The following OVCH2 variants were observed in gnomAD, a reference collection of about 807,000 sequenced individuals.
OVCH2 encodes ovochymase-2.
A neutral mutation model predicts 73.7 loss-of-function variants in OVCH2; 88 were observed. That is an observed-to-expected ratio of 1.19 (90% CI 1.01 to 1.43). The LOEUF is 1.43. Ranked by LOEUF, OVCH2 falls within the 40% of genes most tolerant of loss-of-function variation. OVCH2 has a pLI of 0.00. For synonymous variants in OVCH2, 265 were observed against 234.5 expected (o/e 1.13, Z -1.19); for missense variants, 706 against 674.5 (o/e 1.05, Z -0.52).
Position 7,706,317 on chromosome 11 carries a change from C to T in OVCH2, c.78G>A (p.Ser26=), listed in dbSNP as rs775827975. 9.5e-6 allele frequency: 15 copies of T among 1,586,184 alleles called. No individual in the cohort carries two copies. The highest frequency in any genetic ancestry group is 3.3e-4 in the Middle Eastern group (2 of 6,046). Residue 26 remains serine, a synonymous_variant, in exon 1 of 16, where the codon TCG becomes TCA. Transcript: ENST00000533663. ...TCATTTGAAACTTACCTTTGGGGAG[C>T]GAAAGAGTTGCAGATTTACCTCGTT... The part of the protein sequence containing the change: ...FFERGKSATL[S]LPKAPSCGQS...
intron 1 of OVCH2, 21 bp downstream of exon 1, chr11:7,706,286 T>C (rs148152271): frequency 2.5e-5 from 39 of 1,564,360 alleles, no homozygotes; most frequent in Non-Finnish European, 2.9e-5. Flanking sequence ...AAGGTAATTA[T>C]AGAGTTCATT....
chr11:7,686,143 A>G (rs1238205562), downstream of OVCH2, among the ~76,000 whole-genome samples: 1 of 152,232 alleles, frequency 6.6e-6, no homozygotes, highest in Non-Finnish European at 1.5e-5. Flanking sequence ...GTAGCACAGC[A>G]CTGTGCCGAA....
intron 3 of OVCH2, among the ~76,000 whole-genome samples, chr11:7,702,583 T>C (rs1856465266): frequency 6.6e-6 from 1 of 152,176 alleles, no homozygotes; most frequent in Admixed American, 6.5e-5. Context: ...TGCAATGTTA[T>C]TTGAAAATAT....
In OVCH2 at chr11:7,701,370, G is replaced by T; in HGVS notation, c.665C>A (p.Thr222Asn). 1.2e-6 allele frequency: 2 copies of T among 1,613,396 alleles called. No homozygotes were observed. Among genetic ancestry groups the T allele is most frequent in the Non-Finnish European group, 1.7e-6 (2 of 1,179,730 alleles). The change falls in exon 6 of 16, where the codon ACC (threonine) becomes AAC (asparagine). Residue 222 changes from threonine to asparagine, a missense_variant. Transcript: ENST00000533663. ...ATCAGGAAAACCTGTGCAAAGAAAG[G>T]TCTTCCCACTGATGGGCCTCTTTAG... ...LTLKRPISGK[T>N]FLCTGFPDGG...
chr11:7,705,360 AG>A (rs1421835972), intron 1 of OVCH2: 5 of 152,206 alleles, frequency 3.3e-5, no homozygotes, highest in Admixed American at 2.6e-4. Flanking sequence ...GAACTACTCA[AG>A]GGAAAAAACT....
chr11:7,703,857 G>A, intron 2 of OVCH2, 68 bp from the exon 3 acceptor site: 1 of 1,244,308 alleles, frequency 8.0e-7, no homozygotes, highest in Non-Finnish European at 1.1e-6. Flanking sequence ...CGGTGATGAA[G>A]CCTATTCTCA....
the OVCH2 span, among the ~76,000 whole-genome samples, chr11:7,681,047 C>A: frequency 6.6e-6 from 1 of 152,170 alleles, no homozygotes; most frequent in South Asian, 2.1e-4. Context: ...ACCACCCACT[C>A]CATCTCTTCC....
rs762037887 is a variant in OVCH2 at position 7,696,529 on chromosome 11, G to A, written c.1077C>T (p.His359=). The A allele has an allele frequency of 1.2e-5, 19 of 1,613,976 alleles. No individual in the cohort carries two copies. The South Asian group carries it at 2.0e-4, about 17-fold the overall frequency. The part of the protein sequence containing the change: ...EEMHVLLSFS[H]LDVESCHHSY... The stretch of plus-strand genomic sequence containing the variant: ...TGTGGTGACAAGACTCAACATCTAG[G>A]TGGGAAAAACTGAGCAACACATGCA... The change falls in exon 10 of 16, where the codon CAC becomes CAT. Residue 359 remains histidine, a synonymous_variant. Transcript: ENST00000533663.
intron 13 of OVCH2, 103 bp downstream of exon 13, chr11:7,691,799 G>A: frequency 1.2e-6 from 1 of 851,244 alleles, no homozygotes; most frequent in Non-Finnish European, 1.9e-6. Context: ...GGTGGAGGTG[G>A]TGCAGGAAGA....
At chr11:7,690,563 G>A (rs573684912) in intron 14 of OVCH2, among the ~76,000 whole-genome samples, 86 of 152,058 alleles carry the variant, frequency 5.7e-4, no homozygotes, top group Admixed American at 1.8e-3. Context: ...CTCCCTATAC[G>A]TGAATTCACC....
downstream of OVCH2, among the ~76,000 whole-genome samples, chr11:7,685,692 A>G (rs149508452): frequency 3.3e-3 from 348 of 106,224 alleles, no homozygotes; most frequent in African/African-American, 0.017. Flanking sequence ...ATGTTACACT[A>G]TTCCCTAATT....
At chr11:7,686,085 A>G (rs1856139070), downstream of OVCH2, among the ~76,000 whole-genome samples, 1 of 152,200 alleles carries the variant, frequency 6.6e-6, no homozygotes. Context: ...ATTCAGATTT[A>G]TCATTTGTAT....
At chr11:7,685,669 T>C (rs994742983), downstream of OVCH2, among the ~76,000 whole-genome samples, 1 of 152,154 alleles carries the variant, frequency 6.6e-6, no homozygotes, top group African/African-American at 2.4e-5. Context: ...GCTCCTGCCC[T>C]TGCCCATACT....
At chr11:7,685,584 G>A (rs2136146634), downstream of OVCH2, among the ~76,000 whole-genome samples, 1 of 150,288 alleles carries the variant, frequency 6.7e-6, no homozygotes, top group South Asian at 2.1e-4. Flanking sequence ...TCTCCAGGCA[G>A]CTTTCTCAGA....
chr11:7,704,524 T>C (rs1856497892), intron 2 of OVCH2, 41 bp downstream of exon 2: 1 of 1,353,830 alleles, frequency 7.4e-7, no homozygotes, highest in Non-Finnish European at 1.0e-6. Context: ...ATCCATAATA[T>C]CTAGCACAGT....
rs1856454998 is a variant in OVCH2, at chr11:7,702,192, A to G, written c.428T>C (p.Ile143Thr). The G allele has an allele frequency of 1.2e-6, 2 of 1,612,238 alleles. No individual in the cohort carries two copies. Among genetic ancestry groups the G allele is most frequent in the Non-Finnish European group, 1.7e-6 (2 of 1,179,216 alleles). The change falls in exon 4 of 16, where the codon ATT (isoleucine) becomes ACT (threonine). Residue 143 changes from isoleucine (I) to threonine (T), a missense_variant. By Grantham distance (89) the Ile-to-Thr change is moderately conservative. Transcript: ENST00000533663. ...GGCTCCAGCCATCTTCAAAAGGGCA[A>G]TATCATAGTCCATTGGTTTCTTGGT... ...FSTKKPMDYD[I>T]ALLKMAGAFQ...
intron 14 of OVCH2, among the ~76,000 whole-genome samples, chr11:7,690,747 T>A (rs561092417): frequency 1.3e-5 from 2 of 152,166 alleles, no homozygotes; most frequent in East Asian, 3.8e-4. Context: ...TATAAACAAA[T>A]GTCCTTTTCA....
rs1306152728 is a variant in OVCH2 at position 7,696,493 on chromosome 11, T to C, written c.1113A>G (p.Ser371=). 3 of 1,613,978 alleles carry C rather than the reference T, an allele frequency of 1.9e-6. No individual in the cohort carries two copies. The highest frequency in any genetic ancestry group is 1.7e-6 in the Non-Finnish European group (2 of 1,179,866). The change falls in exon 10 of 16, where the codon TCA becomes TCG. Residue 371 remains serine, a synonymous_variant. Transcript: ENST00000533663. ...DVESCHHSYL[S]MYSLEDRPIG... ...TGGGTCTGTCTTCTAAAGAATACAT[T>C]GACAGGTAACTGTGGTGACAAGACT...
At chr11:7,681,525 C>G in the OVCH2 span, among the ~76,000 whole-genome samples, 1 of 152,186 alleles carries the variant, frequency 6.6e-6, no homozygotes, top group Non-Finnish European at 1.5e-5. Context: ...GTCAACAGAA[C>G]CGCTTGCAGG....
Sources: allele counts gnomAD v4.1 joint callset (sites outside exome capture counted in the v4.1 genomes callset), GRCh38; gene constraint gnomAD v4.1.1; transcripts MANE v1.5; gene names NCBI Gene and HGNC (gene_info 2026-07-23, HGNC 2026-07-21).